The following SDK1 variants were observed in gnomAD, a reference collection of about 807,000 sequenced individuals.
The protein encoded by SDK1 is sidekick cell adhesion molecule 1.
In SDK1, 157 loss-of-function variants were observed where a neutral mutation model predicts 245.5. The ratio of observed to expected loss-of-function variants is 0.64; its 90% CI spans 0.56 to 0.73. The LOEUF is 0.73. Ranked by LOEUF, SDK1 falls within the 30% of genes least tolerant of loss-of-function variation. The probability of loss-of-function intolerance (pLI) is 0.00; values close to 1 mark genes in which losing one functional copy is unlikely to be tolerated. For missense variants in SDK1, 3,583 were observed against 3,002.3 expected, an observed-to-expected ratio of 1.19 and a Z score of -4.52; for synonymous variants, 1,647 against 1,278.5, an observed-to-expected ratio of 1.29 and a Z score of -6.15.
At chr7:3,692,694 A>T (rs370459621) in intron 4 of SDK1, among the ~76,000 whole-genome samples, 16 of 152,014 alleles carry the variant, frequency 1.1e-4, no homozygotes, top group East Asian at 5.8e-4. Flanking sequence ...AATATTTTTG[A>T]GGTGATTCAT....
At chr7:3,441,051 C>T (rs1360144255) in intron 1 of SDK1, among the ~76,000 whole-genome samples, 1 of 152,142 alleles carries the variant, frequency 6.6e-6, no homozygotes, top group Non-Finnish European at 1.5e-5. Context: ...ACGTCTTTCA[C>T]CCTACTTCAT....
intron 44 of SDK1, among the ~76,000 whole-genome samples, chr7:4,264,775 T>G (rs1001285035): frequency 2.6e-5 from 4 of 151,158 alleles, no homozygotes; most frequent in African/African-American, 9.7e-5. Context: ...CGTGTAGACC[T>G]CTCCTGGGGT....
intron 1 of SDK1, among the ~76,000 whole-genome samples, chr7:3,569,782 G>A (rs1304832980): frequency 6.6e-6 from 1 of 152,180 alleles, no homozygotes. Context: ...CTACTAATGT[G>A]CTTGGCTTTT....
intron 19 of SDK1, among the ~76,000 whole-genome samples, chr7:4,058,190 CAA>C (rs1209376642): frequency 6.6e-6 from 1 of 151,340 alleles, no homozygotes; most frequent in Non-Finnish European, 1.5e-5. Flanking sequence ...AGAAATTTAC[CAA>C]AGAGATAAAT....
At position 3,383,459 on chromosome 7, in the gene SDK1, C is replaced by T. The variant is rs181762396; in HGVS notation, c.298+81575C>T. 4.2e-3 allele frequency among the ~76,000 whole-genome samples: 635 copies of T among 152,152 alleles called. 9 individuals are homozygous for T. Among genetic ancestry groups the T allele is most frequent in the South Asian group, 0.018 (86 of 4,810 alleles). On this transcript the variant is annotated intron_variant, in intron 1 of 44. Coordinates refer to ENST00000404826, the MANE Select transcript of SDK1 (RefSeq NM_152744.4). Reference sequence around the variant, plus strand: ...TCCCTCTCCCCAGTTTGGAAGTCTTCAATAAAAGGATAAAAAGATGTGAAG... The same window carrying T: ...TCCCTCTCCCCAGTTTGGAAGTCTTTAATAAAAGGATAAAAAGATGTGAAG...
chr7:3,693,957 C>T (rs897427838), intron 4 of SDK1, among the ~76,000 whole-genome samples: 1 of 152,186 alleles, frequency 6.6e-6, no homozygotes, highest in African/African-American at 2.4e-5. Flanking sequence ...TGCATGCTGC[C>T]TTGCTCCCTC....
At chr7:3,982,126 G>C (rs146827069) in intron 13 of SDK1, among the ~76,000 whole-genome samples, 2,034 of 152,274 alleles carry the variant, frequency 0.013, 49 homozygotes, top group African/African-American at 0.045. Context: ...GAAAATCTTA[G>C]GGCTCTTAAG....
At chr7:3,371,400 T>C (rs1187998835) in intron 1 of SDK1, among the ~76,000 whole-genome samples, 5 of 152,040 alleles carry the variant, frequency 3.3e-5, no homozygotes, top group Non-Finnish European at 7.3e-5. Context: ...TGTCTCTCTC[T>C]GAAAATGGTT....
intron 1 of SDK1, among the ~76,000 whole-genome samples, chr7:3,465,324 C>A (rs1780964382): frequency 6.6e-6 from 1 of 151,942 alleles, no homozygotes; most frequent in Non-Finnish European, 1.5e-5. Flanking sequence ...ATAACACATA[C>A]AAATTAAACT....
intron 1 of SDK1, among the ~76,000 whole-genome samples, chr7:3,491,773 T>C (rs765293391): frequency 3.3e-5 from 5 of 152,226 alleles, no homozygotes; most frequent in Non-Finnish European, 1.5e-5. Context: ...TAAATACAAA[T>C]TTCGTTGGCA....
chr7:3,894,541 C>G (rs1437576819), intron 5 of SDK1, among the ~76,000 whole-genome samples: 1 of 139,086 alleles, frequency 7.2e-6, no homozygotes, highest in African/African-American at 2.9e-5. Context: ...GAAAGGAACC[C>G]TGAGCCTCAG....
chr7:4,110,950 A>C (rs1260525529), intron 23 of SDK1, among the ~76,000 whole-genome samples, 178 bp downstream of exon 23: 1 of 152,182 alleles, frequency 6.6e-6, no homozygotes, highest in Non-Finnish European at 1.5e-5. Context: ...TGTTATTCCA[A>C]GGGAGATGAT....
chr7:3,665,630 G>A (rs1191910440), intron 4 of SDK1, among the ~76,000 whole-genome samples: 3 of 151,996 alleles, frequency 2.0e-5, no homozygotes, highest in Non-Finnish European at 4.4e-5. Flanking sequence ...TGCATGGGGA[G>A]GGAGTGCCAC....
chr7:4,197,201 T>C (rs1783630003), intron 35 of SDK1, among the ~76,000 whole-genome samples: 2 of 151,968 alleles, frequency 1.3e-5, no homozygotes, highest in African/African-American at 4.8e-5. Context: ...TGGTGGCTCA[T>C]GCCTGCCATC....
intron 1 of SDK1, among the ~76,000 whole-genome samples, chr7:3,396,409 T>C (rs897020433): frequency 6.6e-6 from 1 of 151,834 alleles, no homozygotes; most frequent in African/African-American, 2.4e-5. Flanking sequence ...GGTAAGTTGA[T>C]TGGCAGTGTT....
In SDK1 at chr7:4,110,676, G is replaced by A. The variant is rs1192308430; in HGVS notation, c.3338G>A (p.Gly1113Asp). ...CCCTCTGCACAGGTGGGAGCTATCG[G>A]CGACGAGGAGGAGTGGGTCACCCTC... Reference protein sequence around the residue: ...WIVEGQVGAIGDEEEWVTLYE... With the variant: ...WIVEGQVGAIDDEEEWVTLYE... Residue 1113 changes from glycine to aspartate, a missense_variant, in exon 23 of 45, where the codon GGC (glycine) becomes GAC (aspartate). Physicochemically the swap from Gly to Asp is moderately conservative, Grantham distance 94 (BLOSUM62 -1). Coordinates refer to ENST00000404826, the MANE Select transcript of SDK1 (RefSeq NM_152744.4). The A allele has an allele frequency of 1.2e-6, 2 of 1,613,140 alleles. No individual in the cohort carries two copies. Among genetic ancestry groups the A allele is most frequent in the South Asian group, 1.1e-5 (1 of 91,060 alleles).
intron 1 of SDK1, among the ~76,000 whole-genome samples, chr7:3,381,055 A>G (rs1004944723): frequency 2.6e-5 from 4 of 152,226 alleles, no homozygotes; most frequent in African/African-American, 9.6e-5. Context: ...TGTCAGCTGC[A>G]GGAGTTATGT....
In SDK1 at chr7:4,266,493, C is replaced by T; in HGVS notation, c.*1109C>T. On this transcript the variant is annotated 3_prime_UTR_variant, in exon 45 of 45. Transcript: ENST00000404826. Reference sequence around the variant, plus strand: ...TGGCTGCTCGCAGCAGCCACCGCTTCTCCACCACTGGCGCTGCTGCTGCCC... The same window carrying T: ...TGGCTGCTCGCAGCAGCCACCGCTTTTCCACCACTGGCGCTGCTGCTGCCC... 1.6e-5 allele frequency: 16 copies of T among 985,432 alleles called. No homozygotes were observed. The highest frequency in any genetic ancestry group is 1.9e-5 in the Non-Finnish European group (16 of 829,924). The allele number at this position is 985,432 out of a possible 1,614,324, so 61.0% of individuals were successfully genotyped here.
chr7:4,203,352 C>T (rs1427430978), intron 35 of SDK1, among the ~76,000 whole-genome samples: 2 of 152,188 alleles, frequency 1.3e-5, no homozygotes, highest in East Asian at 1.9e-4. Context: ...ACCCATCACA[C>T]CAAGGACCTG....
Sources: gnomAD v4.1 joint callset for allele counts (sites outside exome capture counted in the v4.1 genomes callset) on GRCh38, gnomAD v4.1.1 for gene constraint, MANE v1.5 for transcripts, NCBI Gene and HGNC (gene_info 2026-07-23, HGNC 2026-07-21) for gene names.